Variants in STX18 observed in about 807,000 individuals in gnomAD.
STX18 encodes the protein syntaxin-18.
A neutral mutation model predicts 50.1 loss-of-function variants in STX18; 40 were observed. That is an observed-to-expected ratio of 0.80 (90% CI 0.62 to 1.04). The LOEUF is 1.04. STX18 is among the 50% of genes least tolerant of loss of function. The pLI, the probability that STX18 is intolerant of heterozygous loss-of-function variation, is 0.00. For missense variants in STX18, 410 were observed against 415.8 expected (o/e 0.99, Z 0.12); for synonymous variants, 158 against 151.8 (o/e 1.04, Z -0.30).
chr4:4,511,948 GTGTTTGTGGGAGAGCTGTACATTGTAGAA>G (rs1560202647), intron 1 of STX18, among the ~76,000 whole-genome samples: 1 of 151,998 alleles, frequency 6.6e-6, no homozygotes, highest in Non-Finnish European at 1.5e-5. Context: ...GGAGGTGGGG[GTGTTTGTGGGAGAGCTGTACATTGTAGAA>G]TGTTTAGCAG....
intron 1 of STX18, among the ~76,000 whole-genome samples, chr4:4,534,652 C>A (rs1019441237): frequency 6.6e-5 from 10 of 152,210 alleles, no homozygotes; most frequent in African/African-American, 2.4e-4. Flanking sequence ...CAAACATGAT[C>A]CTTTCGTGCC....
intron 1 of STX18, among the ~76,000 whole-genome samples, chr4:4,508,263 A>T (rs1729822746): frequency 6.6e-6 from 1 of 151,974 alleles, no homozygotes; most frequent in Non-Finnish European, 1.5e-5. Context: ...TCATATGTGG[A>T]CCTCACCACA....
chr4:4,509,871 T>C (rs73088233), intron 1 of STX18, among the ~76,000 whole-genome samples: 6,429 of 152,154 alleles, frequency 0.042, 414 homozygotes, highest in African/African-American at 0.15. Flanking sequence ...GGGAAAATCA[T>C]TCCAAGGAGA....
intron 2 of STX18, among the ~76,000 whole-genome samples, chr4:4,466,463 G>C (rs568456667): frequency 6.1e-4 from 93 of 152,290 alleles, no homozygotes; most frequent in Non-Finnish European, 9.7e-4. Flanking sequence ...GATTTGAAGA[G>C]GGAAGCACGT....
intron 5 of STX18, 74 bp downstream of exon 5, chr4:4,457,117 G>T: frequency 7.4e-7 from 1 of 1,359,934 alleles, no homozygotes; most frequent in Non-Finnish European, 1.0e-6. Flanking sequence ...TAGGGTAAGT[G>T]CTCTACAAAC....
chr4:4,438,611 C>A, intron 5 of STX18, 102 bp from the exon 6 acceptor site: 1 of 913,568 alleles, frequency 1.1e-6, no homozygotes, highest in Non-Finnish European at 1.7e-6. Context: ...TGCTCTGTGT[C>A]CCTGTACTGG....
chr4:4,512,413 G>C (rs955114808), intron 1 of STX18, among the ~76,000 whole-genome samples: 1 of 152,130 alleles, frequency 6.6e-6, no homozygotes, highest in Non-Finnish European at 1.5e-5. Flanking sequence ...ATGACCTAGA[G>C]AGTAGAAGAT....
At chr4:4,440,198 G>T (rs913276260) in intron 5 of STX18, among the ~76,000 whole-genome samples, 1 of 152,238 alleles carries the variant, frequency 6.6e-6, no homozygotes, top group African/African-American at 2.4e-5. Context: ...TAGGCAGAGA[G>T]ACTGTAATTA....
chr4:4,466,375 G>A (rs116426581), intron 2 of STX18, among the ~76,000 whole-genome samples: 136 of 152,240 alleles, frequency 8.9e-4, no homozygotes, highest in African/African-American at 3.0e-3. Flanking sequence ...GGGGTAGGAT[G>A]GAAAAGTGGG....
Position 4,541,995 on chromosome 4 carries a change from C to A in STX18, c.-31G>T. ...CCCGCACCCTCAGCCCCACACTAGG[C>A]CCGCCCACGTAAGCAGCCGGCGACC... On this transcript the variant is annotated 5_prime_UTR_variant, in exon 1 of 11. Coordinates refer to ENST00000306200, the MANE Select transcript of STX18 (RefSeq NM_016930.4). 1 of 1,549,060 alleles carries A rather than the reference C, an allele frequency of 6.5e-7. No homozygotes were observed. The highest frequency in any genetic ancestry group is 8.7e-7 in the Non-Finnish European group (1 of 1,147,316).
At chr4:4,432,832 A>T (rs1040515632) in intron 7 of STX18, among the ~76,000 whole-genome samples, 1 of 152,262 alleles carries the variant, frequency 6.6e-6, no homozygotes, top group African/African-American at 2.4e-5. Flanking sequence ...GAGCAAGAGG[A>T]TGCTGAGCCA....
chr4:4,535,740 G>C (rs1731301996), intron 1 of STX18, among the ~76,000 whole-genome samples: 1 of 152,160 alleles, frequency 6.6e-6, no homozygotes, highest in African/African-American at 2.4e-5. Context: ...AACCTCCATT[G>C]TTTCCCAATC....
chr4:4,522,039 G>C lies in STX18; in HGVS notation c.168+19758C>G, dbSNP rs902033941. ...TGTACAGGACAGAGGGTACACAAAA[G>C]ACCGCAACATGGTTATATTTCCAAA... On this transcript the variant is annotated intron_variant, in intron 1 of 10. Transcript: ENST00000306200. Among the ~76,000 whole-genome samples the C allele has an allele frequency of 2.0e-5, 3 of 152,192 alleles. No homozygotes were observed. The South Asian group carries it at 6.2e-4, about 32-fold the overall frequency.
intron 5 of STX18, among the ~76,000 whole-genome samples, chr4:4,442,803 T>TA (rs71169645): frequency 0.22 from 21,617 of 100,406 alleles, 2,269 homozygotes; most frequent in East Asian, 0.4. Flanking sequence ...ACAAGTTTAT[T>TA]AAAAAAAAAA....
intron 1 of STX18, among the ~76,000 whole-genome samples, chr4:4,495,691 G>A (rs941678127): frequency 1.3e-5 from 2 of 148,854 alleles, no homozygotes; most frequent in Non-Finnish European, 2.9e-5. Context: ...ACAACTAAAC[G>A]CAAAAACAAA....
Position 4,434,776 on chromosome 4 carries a change from T to C in STX18, c.696A>G (p.Ile232Met). The C allele has an allele frequency of 1.2e-6, 2 of 1,605,854 alleles. No individual in the cohort carries two copies. The highest frequency in any genetic ancestry group is 2.3e-5 in the South Asian group (2 of 88,276). Residue 232 changes from isoleucine (I) to methionine (M), a missense_variant, in exon 7 of 11, where the codon ATA becomes ATG. Coordinates refer to ENST00000306200, the MANE Select transcript of STX18 (RefSeq NM_016930.4). ...KGEDELSPEE[I>M]QMFEQENQRL... ...AGGCAGAGAATAGCATTACCATTTGTATTTCTTCTGGGGATAACTCATCTT... is the reference window on the plus strand; with the variant it reads ...AGGCAGAGAATAGCATTACCATTTGCATTTCTTCTGGGGATAACTCATCTT...
intron 1 of STX18, among the ~76,000 whole-genome samples, chr4:4,533,092 C>T (rs139328609): frequency 0.017 from 2,517 of 152,224 alleles, 48 homozygotes; most frequent in Non-Finnish European, 0.024. Context: ...AAAGTATTGC[C>T]GGGTTTAAAA....
At chr4:4,524,258 C>G (rs531343411) in intron 1 of STX18, among the ~76,000 whole-genome samples, 88 of 152,294 alleles carry the variant, frequency 5.8e-4, no homozygotes, top group Middle Eastern at 3.4e-3. Context: ...ATTTTGAATG[C>G]AATGTACATC....
intron 1 of STX18, among the ~76,000 whole-genome samples, chr4:4,490,182 TA>T (rs1490884634): frequency 1.3e-5 from 2 of 152,120 alleles, no homozygotes; most frequent in Non-Finnish European, 2.9e-5. Flanking sequence ...GAAAGGAAAG[TA>T]AAACTTGACA....
Sources: allele counts gnomAD v4.1 joint callset (sites outside exome capture counted in the v4.1 genomes callset), GRCh38; gene constraint gnomAD v4.1.1; transcripts MANE v1.5; gene names NCBI Gene and HGNC (gene_info 2026-07-23, HGNC 2026-07-21).